Variants in CCT5 observed in about 807,000 individuals in gnomAD.
CCT5 encodes the protein chaperonin containing TCP1 subunit 5, also known as T-complex protein 1 subunit epsilon.
Under a neutral mutation model 55.0 loss-of-function variants are expected in CCT5, and 6 were observed. The observed-to-expected ratio is 0.11, with a 90% CI of 0.06 to 0.22. CCT5 has a LOEUF of 0.22. Among genes scored for constraint, CCT5 ranks in the 10% least tolerant of loss-of-function variants. The probability of loss-of-function intolerance (pLI) is 1.00; values close to 1 mark genes in which losing one functional copy is unlikely to be tolerated. For synonymous variants in CCT5, 231 were observed against 243.7 expected (o/e 0.95, Z 0.49); for missense variants, 560 against 694.6 (o/e 0.81, Z 2.18).
At chr5:10,261,880 G>T in intron 8 of CCT5, 135 bp downstream of exon 8, 1 of 784,872 alleles carries the variant, frequency 1.3e-6, no homozygotes. Context: ...GACGTATCAT[G>T]GTGTAAAATT....
Position 10,259,069 on chromosome 5 carries a change from T to C in CCT5, c.873+534T>C, listed in dbSNP as rs1015033895. ...AAAGCCGTGCTTTCAATTGTACATA[T>C]TATATTTGCCGTCCTGGACAAATTT... On this transcript the variant is annotated intron_variant, in intron 6 of 10. Transcript: ENST00000280326. Among the ~76,000 whole-genome samples, 11 of 152,224 alleles carry C rather than the reference T, an allele frequency of 7.2e-5. No individual in the cohort carries two copies. In the South Asian group the frequency reaches 1.2e-3, roughly 17 times the overall value.
At chr5:10,256,499 T>A (rs2028273) in intron 4 of CCT5, among the ~76,000 whole-genome samples, 108,670 of 151,566 alleles carry the variant, frequency 0.72, 42,013 homozygotes, top group East Asian at 0.87. Flanking sequence ...GTAGCTTGCT[T>A]GAGCTCAGGA....
At chr5:10,259,129 A>G (rs569225073) in intron 6 of CCT5, among the ~76,000 whole-genome samples, 3 of 152,354 alleles carry the variant, frequency 2.0e-5, no homozygotes, top group African/African-American at 4.8e-5. Context: ...ATTTCTGACT[A>G]TACCTTTTAG....
Position 10,254,308 on chromosome 5 carries a change from T to G in CCT5, c.166+103T>G, listed in dbSNP as rs1745568552. On this transcript the variant is annotated intron_variant, in intron 2 of 10. Coordinates refer to ENST00000280326, the MANE Select transcript of CCT5 (RefSeq NM_012073.5). The stretch of plus-strand genomic sequence containing the variant: ...GGTGGAGTATTGAGGGGAGGCATCT[T>G]ACTTCCTTAACACAGCCAAAATTTT... 1.0e-5 allele frequency: 9 copies of G among 877,718 alleles called. No homozygotes were observed. The South Asian group carries it at 1.3e-4, about 12-fold the overall frequency. The allele number at this position is 877,718 out of a possible 1,614,324, so 54.4% of individuals were successfully genotyped here. A position where few individuals can be genotyped will look rare whatever the true frequency, so the allele number is the denominator to read the frequency against.
At chr5:10,263,341 G>GGT (rs777977044) in intron 10 of CCT5, 27 bp downstream of exon 10, 1 of 1,589,190 alleles carries the variant, frequency 6.3e-7, no homozygotes. Context: ...CCTCTGCGTG[G>GGT]AGGGGGGGGG....
At chr5:10,259,877 G>A (rs1173469918) in intron 6 of CCT5, among the ~76,000 whole-genome samples, 1 of 152,176 alleles carries the variant, frequency 6.6e-6, no homozygotes, top group Non-Finnish European at 1.5e-5. Flanking sequence ...AGGGAATGAC[G>A]ATGGGGCTAG....
At chr5:10,262,387 C>T (rs1481728739) in intron 8 of CCT5, 94 bp from the exon 9 acceptor site, 5 of 1,343,486 alleles carry the variant, frequency 3.7e-6, no homozygotes, top group Non-Finnish European at 5.3e-6. Flanking sequence ...AATATTAGAG[C>T]ACAGCCTCTC....
chr5:10,261,531 T>C (rs780816888), intron 7 of CCT5, 29 bp from the exon 8 acceptor site: 5 of 1,611,566 alleles, frequency 3.1e-6, no homozygotes, highest in Non-Finnish European at 4.2e-6. Context: ...AGTACTGTCT[T>C]CATCCTTCTC....
chr5:10,250,104 C>A, upstream of CCT5: 4 of 1,535,424 alleles, frequency 2.6e-6, no homozygotes, highest in Non-Finnish European at 3.5e-6. Flanking sequence ...CCTAAGATTT[C>A]CACTAAGTGT....
At chr5:10,262,347 T>C (rs907569612) in intron 8 of CCT5, 134 bp from the exon 9 acceptor site, 12 of 975,444 alleles carry the variant, frequency 1.2e-5, no homozygotes, top group Non-Finnish European at 1.8e-5. Context: ...GCTAGAAAGA[T>C]AAATATTATC....
At chr5:10,256,874 T>C (rs943442464) in intron 4 of CCT5, among the ~76,000 whole-genome samples, 2 of 152,196 alleles carry the variant, frequency 1.3e-5, no homozygotes, top group Non-Finnish European at 2.9e-5. Flanking sequence ...CTCTGGTGTT[T>C]TCAGCGTTCG....
At chr5:10,251,852 G>A (rs1249579470) in intron 1 of CCT5, among the ~76,000 whole-genome samples, 2 of 152,216 alleles carry the variant, frequency 1.3e-5, no homozygotes, top group African/African-American at 4.8e-5. Context: ...CACACACCTG[G>A]TGTAACAACA....
chr5:10,254,798 T>C lies in CCT5; in HGVS notation c.291T>C (p.Ser97=). The C allele has an allele frequency of 1.2e-6, 2 of 1,614,064 alleles. No individual in the cohort carries two copies. Among genetic ancestry groups the C allele is most frequent in the Non-Finnish European group, 1.7e-6 (2 of 1,179,936 alleles). ...AGCTGATGGTGGAACTGTCCAAGTC[T>C]CAGGATGATGAAATTGGAGATGGAA... ...IAKLMVELSK[S]QDDEIGDGTT... is the part of the protein sequence containing the mutation. The change falls in exon 3 of 11, where the codon TCT becomes TCC. Residue 97 remains serine (S), a synonymous_variant. Coordinates refer to ENST00000280326, the MANE Select transcript of CCT5 (RefSeq NM_012073.5).
rs1445856397 is a variant in CCT5, at chr5:10,254,508, T to G, written c.167-166T>G. On this transcript the variant is annotated intron_variant, in intron 2 of 10. Transcript: ENST00000280326. Reference sequence around the variant, plus strand: ...GCTCCATAATGTTTTGCCAATTATGTTAGCCAATCTAAAAATGCCTTCATG... The same window carrying G: ...GCTCCATAATGTTTTGCCAATTATGGTAGCCAATCTAAAAATGCCTTCATG... 6 of 686,422 alleles carry G rather than the reference T, an allele frequency of 8.7e-6. No individual in the cohort carries two copies. The Admixed American group carries it at 1.1e-4, about 12-fold the overall frequency. The allele number at this position is 686,422 out of a possible 1,614,324, so 42.5% of individuals were successfully genotyped here.
intron 3 of CCT5, among the ~76,000 whole-genome samples, chr5:10,255,498 T>C (rs1745625824): frequency 6.6e-6 from 1 of 151,940 alleles, no homozygotes; most frequent in Non-Finnish European, 1.5e-5. Flanking sequence ...TGCCAAGCAC[T>C]GTTCTCGGTG....
chr5:10,258,105 C>T lies in CCT5; in HGVS notation c.531-6C>T. On this transcript the variant is annotated splice_polypyrimidine_tract_variant and splice_region_variant and intron_variant, in intron 4 of 10. Coordinates refer to ENST00000280326, the MANE Select transcript of CCT5 (RefSeq NM_012073.5). The stretch of plus-strand genomic sequence containing the variant: ...AATGAAGTTTGTTTTGTGGTGTTTT[C>T]CTCAGGGTCAACAGTTGTCACCGAC... 1 of 1,614,100 alleles carries T rather than the reference C, an allele frequency of 6.2e-7. No individual in the cohort carries two copies. Among genetic ancestry groups the T allele is most frequent in the Non-Finnish European group, 8.5e-7 (1 of 1,180,006 alleles).
intron 8 of CCT5, chr5:10,261,968 CTA>C (rs1745985400): frequency 5.5e-6 from 3 of 542,082 alleles, no homozygotes; most frequent in South Asian, 1.9e-5. Context: ...ACAATATACA[CTA>C]TGAGATTTTT....
chr5:10,258,044 T>C (rs1745769573), intron 4 of CCT5, 67 bp from the exon 5 acceptor site: 1 of 1,472,066 alleles, frequency 6.8e-7, no homozygotes, highest in South Asian at 1.2e-5. Flanking sequence ...AACATTGTGT[T>C]ATGTGGCCTG....
intron 7 of CCT5, 98 bp downstream of exon 7, chr5:10,261,009 C>A (rs1745933063): frequency 3.9e-6 from 5 of 1,267,712 alleles, no homozygotes; most frequent in African/African-American, 1.5e-5. Flanking sequence ...TGCATCACAC[C>A]AAGGCTGGCA....
Sources: gnomAD v4.1 joint callset for allele counts (sites outside exome capture counted in the v4.1 genomes callset) on GRCh38, gnomAD v4.1.1 for gene constraint, MANE v1.5 for transcripts, NCBI Gene and HGNC (gene_info 2026-07-23, HGNC 2026-07-21) for gene names.